The following RIT2 variants were observed in gnomAD, a reference collection of about 807,000 sequenced individuals.
RIT2 encodes GTP-binding protein Rit2.
RIT2 carries 24 observed loss-of-function variants against 23.7 expected under a neutral mutation model. That is an observed-to-expected ratio of 1.01 (90% CI 0.73 to 1.43). RIT2 has a LOEUF of 1.43. Among genes scored for constraint, RIT2 ranks in the 40% most tolerant of loss-of-function variants. RIT2 has a pLI of 0.00. For missense variants in RIT2, 236 were observed against 266.9 expected, an observed-to-expected ratio of 0.88 and a Z score of 0.81; for synonymous variants, 107 against 91.1, an observed-to-expected ratio of 1.17 and a Z score of -0.99.
intron 2 of RIT2, among the ~76,000 whole-genome samples, chr18:42,997,786 G>A (rs1184657908): frequency 6.6e-6 from 1 of 152,126 alleles, no homozygotes; most frequent in Admixed American, 6.6e-5. Context: ...ATCTCAAGGT[G>A]TTCCCACCAA....
At chr18:42,899,290 A>G (rs1908413800) in intron 4 of RIT2, among the ~76,000 whole-genome samples, 1 of 151,002 alleles carries the variant, frequency 6.6e-6, no homozygotes, top group Non-Finnish European at 1.5e-5. Context: ...TTATCTTCAC[A>G]GAAACAATCT....
intron 4 of RIT2, among the ~76,000 whole-genome samples, chr18:42,820,680 C>T (rs989218568): frequency 2.6e-5 from 4 of 152,148 alleles, no homozygotes; most frequent in Non-Finnish European, 5.9e-5. Flanking sequence ...ATTCTGCTAA[C>T]CATTTCTTCT....
chr18:43,090,508 C>T (rs539302624), intron 1 of RIT2, among the ~76,000 whole-genome samples: 1 of 152,196 alleles, frequency 6.6e-6, no homozygotes, highest in Admixed American at 6.5e-5. Flanking sequence ...ACCCAGCAAT[C>T]CCATTATTGG....
intron 2 of RIT2, among the ~76,000 whole-genome samples, chr18:43,008,201 T>A (rs564020636): frequency 7.9e-5 from 12 of 151,770 alleles, no homozygotes; most frequent in African/African-American, 2.9e-4. Context: ...TTAATATTTT[T>A]AAAATAAATT....
At chr18:42,898,125 G>C (rs1295223280) in intron 4 of RIT2, among the ~76,000 whole-genome samples, 2 of 152,162 alleles carry the variant, frequency 1.3e-5, no homozygotes, top group Non-Finnish European at 2.9e-5. Flanking sequence ...TGGGCGGCCG[G>C]GCACAATGGC....
chr18:43,082,209 A>C (rs962300919), intron 1 of RIT2, among the ~76,000 whole-genome samples: 1 of 152,204 alleles, frequency 6.6e-6, no homozygotes, highest in East Asian at 1.9e-4. Context: ...TCTGTAATGT[A>C]GTTTTTATTT....
chr18:42,955,430 G>A (rs958560055), intron 3 of RIT2, among the ~76,000 whole-genome samples: 8 of 152,228 alleles, frequency 5.3e-5, no homozygotes, highest in Admixed American at 1.3e-4. Context: ...AACTGGCCTC[G>A]CTTTGGTGTT....
chr18:43,097,564 A>G (rs1913583837), intron 1 of RIT2, among the ~76,000 whole-genome samples: 1 of 151,906 alleles, frequency 6.6e-6, no homozygotes, highest in Non-Finnish European at 1.5e-5. Context: ...AAAGTTACAT[A>G]TAGAGACATA....
chr18:42,838,870 A>G (rs1245280114), intron 4 of RIT2, among the ~76,000 whole-genome samples: 1 of 152,180 alleles, frequency 6.6e-6, no homozygotes, highest in Non-Finnish European at 1.5e-5. Flanking sequence ...AAACAGCTAC[A>G]TATGGTATTG....
At chr18:42,932,113 G>A (rs1909340596) in intron 3 of RIT2, among the ~76,000 whole-genome samples, 1 of 152,122 alleles carries the variant, frequency 6.6e-6, no homozygotes, top group South Asian at 2.1e-4. Flanking sequence ...TTTTACAGTT[G>A]TATTGAGAGG....
At chr18:42,847,523 G>A (rs982717831) in intron 4 of RIT2, among the ~76,000 whole-genome samples, 1 of 152,000 alleles carries the variant, frequency 6.6e-6, no homozygotes, top group African/African-American at 2.4e-5. Context: ...TAAAAAAATT[G>A]TAGGTAGTGC....
intron 1 of RIT2, among the ~76,000 whole-genome samples, chr18:43,080,353 G>T (rs1913128454): frequency 6.6e-6 from 1 of 152,294 alleles, no homozygotes; most frequent in Non-Finnish European, 1.5e-5. Context: ...GACAGATAAA[G>T]GAGTTGTATC....
chr18:43,112,639 C>T (rs1024166030), intron 1 of RIT2, among the ~76,000 whole-genome samples: 2 of 152,122 alleles, frequency 1.3e-5, no homozygotes, highest in Non-Finnish European at 1.5e-5. Context: ...CACAATGGCT[C>T]ATGCCTATAA....
At chr18:43,050,448 G>T (rs750513226) in intron 1 of RIT2, among the ~76,000 whole-genome samples, 1 of 152,240 alleles carries the variant, frequency 6.6e-6, no homozygotes, top group African/African-American at 2.4e-5. Context: ...AATGAGAAAA[G>T]GTGAAGGCTG....
intron 4 of RIT2, among the ~76,000 whole-genome samples, chr18:42,875,126 T>G (rs998346933): frequency 6.6e-6 from 1 of 152,078 alleles, no homozygotes; most frequent in Non-Finnish European, 1.5e-5. Flanking sequence ...CTGCCACCTC[T>G]TTTCCCCACT....
At chr18:42,893,660 T>C (rs1448230613) in intron 4 of RIT2, among the ~76,000 whole-genome samples, 1 of 152,122 alleles carries the variant, frequency 6.6e-6, no homozygotes, top group Non-Finnish European at 1.5e-5. Flanking sequence ...TATTAGGCCA[T>C]GAAACCTACA....
At chr18:42,794,375 C>A (rs377159792) in intron 4 of RIT2, among the ~76,000 whole-genome samples, 40 of 152,170 alleles carry the variant, frequency 2.6e-4, no homozygotes, top group African/African-American at 6.5e-4. Flanking sequence ...CAACCTAGCC[C>A]AAATAAAATA....
intron 3 of RIT2, among the ~76,000 whole-genome samples, chr18:42,960,559 C>T (rs1910073171): frequency 6.6e-6 from 1 of 152,174 alleles, no homozygotes; most frequent in Admixed American, 6.5e-5. Flanking sequence ...AGGTGATCCA[C>T]CCACCTCGGC....
At chr18:43,086,878 C>G (rs1913295007) in intron 1 of RIT2, among the ~76,000 whole-genome samples, 1 of 152,124 alleles carries the variant, frequency 6.6e-6, no homozygotes, top group Non-Finnish European at 1.5e-5. Flanking sequence ...GCAATTAGAG[C>G]TCAAATCTTC....
Sources: gnomAD v4.1 joint callset for allele counts (sites outside exome capture counted in the v4.1 genomes callset) on GRCh38, gnomAD v4.1.1 for gene constraint, MANE v1.5 for transcripts, NCBI Gene and HGNC (gene_info 2026-07-23, HGNC 2026-07-21) for gene names.